Variants in FAM184B observed in about 807,000 individuals in gnomAD.
FAM184B encodes protein FAM184B.
A neutral mutation model predicts 135.9 loss-of-function variants in FAM184B; 111 were observed. The observed-to-expected ratio is 0.82, with a 90% CI of 0.70 to 0.96. The LOEUF (loss-of-function observed/expected upper bound fraction) is 0.96, where lower values mean the gene tolerates loss of function less well. Among genes scored for constraint, FAM184B ranks in the 40% least tolerant of loss-of-function variants. The probability of loss-of-function intolerance (pLI) is 0.00; values close to 1 mark genes in which losing one functional copy is unlikely to be tolerated. For missense variants in FAM184B, 1,375 were observed against 1,323.9 expected (o/e 1.04, Z -0.60); for synonymous variants, 552 against 524.8 (o/e 1.05, Z -0.71).
At chr4:17,750,648 C>G (rs191446860) in intron 1 of FAM184B, among the ~76,000 whole-genome samples, 2 of 152,242 alleles carry the variant, frequency 1.3e-5, no homozygotes, top group Admixed American at 1.3e-4. Context: ...CCAAATGTCC[C>G]CAGGGGGAAA....
intron 7 of FAM184B, among the ~76,000 whole-genome samples, chr4:17,668,753 C>T (rs1716109829): frequency 6.6e-6 from 1 of 152,156 alleles, no homozygotes; most frequent in Non-Finnish European, 1.5e-5. Flanking sequence ...CCAGGCTGGT[C>T]TTGAACTCCT....
intron 1 of FAM184B, among the ~76,000 whole-genome samples, chr4:17,732,719 A>G (rs1221867634): frequency 6.6e-6 from 1 of 152,228 alleles, no homozygotes; most frequent in Admixed American, 6.5e-5. Context: ...AAAAAAGTCC[A>G]GGACCAGATG....
At chr4:17,670,326 T>G (rs1480060180) in intron 7 of FAM184B, among the ~76,000 whole-genome samples, 1 of 152,198 alleles carries the variant, frequency 6.6e-6, no homozygotes, top group Non-Finnish European at 1.5e-5. Context: ...CCAACACATC[T>G]AAAAGCTGGC....
At chr4:17,722,649 C>T (rs191454594) in intron 1 of FAM184B, among the ~76,000 whole-genome samples, 3 of 152,102 alleles carry the variant, frequency 2.0e-5, no homozygotes, top group Non-Finnish European at 4.4e-5. Flanking sequence ...AATGAGAGCC[C>T]CACCGTCTAC....
chr4:17,639,383 TCTC>T lies in FAM184B; in HGVS notation c.2530_2532del (p.Glu844del). 2 of 1,551,406 alleles carry T rather than the reference TCTC, an allele frequency of 1.3e-6. No homozygotes were observed. The highest frequency in any genetic ancestry group is 1.7e-6 in the Non-Finnish European group (2 of 1,146,936). ...TCCCTGGCCCGCTGGGCTTGCTGAG[TCTC>T]CTCCAGGAACCTGTGGTGGATGAAA... is the stretch of plus-strand genomic sequence containing the variant. On this transcript the variant is annotated inframe_deletion, in exon 14 of 18. Coordinates refer to ENST00000265018, the MANE Select transcript of FAM184B (RefSeq NM_015688.2).
At chr4:17,713,259 G>T (rs559301111) in intron 1 of FAM184B, among the ~76,000 whole-genome samples, 1 of 152,350 alleles carries the variant, frequency 6.6e-6, no homozygotes, top group African/African-American at 2.4e-5. Context: ...GTGACATCTT[G>T]TGAAGCCCTG....
chr4:17,661,521 C>G (rs1269888982), intron 8 of FAM184B, among the ~76,000 whole-genome samples: 1 of 152,210 alleles, frequency 6.6e-6, no homozygotes, highest in African/African-American at 2.4e-5. Context: ...CTATTGCACT[C>G]CAGCCTGGGC....
At position 17,703,870 on chromosome 4, in the gene FAM184B, G is replaced by A. The variant is rs181226852; in HGVS notation, c.1377+1130C>T. On this transcript the variant is annotated intron_variant, in intron 5 of 17. Transcript: ENST00000265018. Reference sequence around the variant, plus strand: ...TGCTTGAACCCGGCAGGTGGAGGTTGCAGTGAGCCGAGATTGCGTCACTGC... The same window carrying A: ...TGCTTGAACCCGGCAGGTGGAGGTTACAGTGAGCCGAGATTGCGTCACTGC... Among the ~76,000 whole-genome samples the A allele has an allele frequency of 9.2e-3, 1,366 of 148,222 alleles. 16 individuals carry two copies. Among genetic ancestry groups the A allele is most frequent in the South Asian group, 0.024 (106 of 4,502 alleles).
chr4:17,631,028 T>C lies in FAM184B; in HGVS notation c.*1504A>G, dbSNP rs1239646376. 1 of 152,196 alleles carries C rather than the reference T, an allele frequency of 6.6e-6. No homozygotes were observed. Among genetic ancestry groups the C allele is most frequent in the Admixed American group, 6.5e-5 (1 of 15,270 alleles). 9.4% of individuals were successfully genotyped at this position (152,196 alleles called of 1,614,324 possible). On this transcript the variant is annotated 3_prime_UTR_variant, in exon 18 of 18. Coordinates refer to ENST00000265018, the MANE Select transcript of FAM184B (RefSeq NM_015688.2). The stretch of plus-strand genomic sequence containing the variant: ...ATATTTTGCCCCCTAAAAGTTGTTA[T>C]TGAGTCTTGTCAAATCACATTGCTC...
chr4:17,642,938 T>G (rs1177849253), intron 12 of FAM184B, among the ~76,000 whole-genome samples: 1 of 152,256 alleles, frequency 6.6e-6, no homozygotes, highest in African/African-American at 2.4e-5. Context: ...GCCCGACCAC[T>G]TGTGCATGTA....
intron 1 of FAM184B, among the ~76,000 whole-genome samples, chr4:17,768,181 C>G (rs917580676): frequency 3.3e-5 from 5 of 152,172 alleles, no homozygotes; most frequent in African/African-American, 1.2e-4. Flanking sequence ...TCAAAGACAT[C>G]AAGCAATTAA....
chr4:17,711,034 A>T (rs911558357), intron 1 of FAM184B, among the ~76,000 whole-genome samples: 2 of 152,174 alleles, frequency 1.3e-5, no homozygotes, highest in Non-Finnish European at 2.9e-5. Context: ...TATTTGTAGG[A>T]TGATGGGAAT....
chr4:17,637,249 G>T (rs1715170226), intron 14 of FAM184B, among the ~76,000 whole-genome samples: 1 of 152,184 alleles, frequency 6.6e-6, no homozygotes, highest in Non-Finnish European at 1.5e-5. Context: ...GGCTGGTCTG[G>T]AATTCCTGAC....
chr4:17,664,427 T>A, intron 8 of FAM184B, 135 bp downstream of exon 8: 3 of 652,726 alleles, frequency 4.6e-6, no homozygotes, highest in Non-Finnish European at 7.8e-6. Flanking sequence ...ATACAAGATA[T>A]GCTTGTTGCC....
Position 17,696,834 on chromosome 4 carries a change from A to AATGAATGAATGAATG in FAM184B, c.1378-3423_1378-3422insCATTCATTCATTCAT, listed in dbSNP as rs56155024. Among the ~76,000 whole-genome samples the AATGAATGAATGAATG allele has an allele frequency of 3.8e-3, 560 of 146,434 alleles. 2 individuals are homozygous for AATGAATGAATGAATG. Among genetic ancestry groups the AATGAATGAATGAATG allele is most frequent in the African/African-American group, 0.014 (530 of 38,914 alleles). On this transcript the variant is annotated intron_variant, in intron 5 of 17. Coordinates refer to ENST00000265018, the MANE Select transcript of FAM184B (RefSeq NM_015688.2). The stretch of plus-strand genomic sequence containing the variant: ...TCTCTAAATGAATGAATGAATGAAT[A>AATGAATGAATGAATG]AATAAATAAATAAATAAATAAATAG...
intron 7 of FAM184B, among the ~76,000 whole-genome samples, chr4:17,666,769 C>T (rs1336253690): frequency 6.6e-6 from 1 of 151,962 alleles, no homozygotes; most frequent in Non-Finnish European, 1.5e-5. Context: ...GTTTACCTTA[C>T]TGGAAGGTAA....
At chr4:17,677,873 A>G (rs1194548113) in intron 7 of FAM184B, among the ~76,000 whole-genome samples, 3 of 152,246 alleles carry the variant, frequency 2.0e-5, no homozygotes. Flanking sequence ...TAACATATGC[A>G]AGTCAATAAA....
intron 1 of FAM184B, among the ~76,000 whole-genome samples, chr4:17,725,435 C>G (rs1717618261): frequency 6.6e-6 from 1 of 152,078 alleles, no homozygotes; most frequent in African/African-American, 2.4e-5. Context: ...ATACCAATGT[C>G]AAAAAGTAAT....
intron 14 of FAM184B, among the ~76,000 whole-genome samples, chr4:17,636,955 C>T (rs953654940): frequency 2.6e-5 from 4 of 152,152 alleles, no homozygotes; most frequent in African/African-American, 9.7e-5. Flanking sequence ...GAAAATGTCC[C>T]GTAGGTTCTC....
Sources: gnomAD v4.1 joint callset for allele counts (sites outside exome capture counted in the v4.1 genomes callset) on GRCh38, gnomAD v4.1.1 for gene constraint, MANE v1.5 for transcripts, NCBI Gene and HGNC (gene_info 2026-07-23, HGNC 2026-07-21) for gene names.